Variants in OTOG observed in about 807,000 individuals in gnomAD.
OTOG encodes the protein otogelin.
OTOG carries 296 observed loss-of-function variants against 313.8 expected under a neutral mutation model. The observed-to-expected ratio is 0.94, with a 90% CI of 0.86 to 1.04. The LOEUF is 1.04. Ranked by LOEUF, OTOG falls within the 50% of genes least tolerant of loss-of-function variation. The probability of loss-of-function intolerance (pLI) is 0.00; values close to 1 mark genes in which losing one functional copy is unlikely to be tolerated. For synonymous variants in OTOG, 1,533 were observed against 1,554.9 expected, an observed-to-expected ratio of 0.99 and a Z score of 0.33; for missense variants, 3,948 against 3,840.1, an observed-to-expected ratio of 1.03 and a Z score of -0.74.
Position 17,610,214 on chromosome 11 carries a change from C to G in OTOG, c.4914C>G (p.Ser1638=), listed in dbSNP as rs771967957. The part of the protein sequence containing the change: ...LPVRTTPPQP[S]LTASPSSRPV... ...TTAGGACGACACCCCCACAGCCCTC[C>G]TTGACAGCAAGTCCCTCCTCCAGAC... The change falls in exon 36 of 56, where the codon TCC becomes TCG. Residue 1638 remains serine, a synonymous_variant. Coordinates refer to ENST00000399397, the MANE Select transcript of OTOG (RefSeq NM_001292063.2). The G allele has an allele frequency of 6.4e-7, 1 of 1,550,484 alleles. No homozygotes were observed.
At chr11:17,555,289 CTG>C (rs1271635507) in intron 6 of OTOG, among the ~76,000 whole-genome samples, 4 of 151,778 alleles carry the variant, frequency 2.6e-5, no homozygotes, top group Non-Finnish European at 5.9e-5. Flanking sequence ...AAGTTACAAT[CTG>C]TACCTGCCAG....
In OTOG at chr11:17,606,061, C is replaced by G. The variant is rs550221134; in HGVS notation, c.4082C>G (p.Ser1361Trp). Residue 1361 changes from serine (S) to tryptophan (W), a missense_variant, in exon 33 of 56, where the codon TCG (serine) becomes TGG (tryptophan). Ser to Trp is a radical substitution (Grantham distance 177). Transcript: ENST00000399397. ...LAKPSSFLYV[S>W]GAVLALRLYE... ...AAGCCCAGCTCCTTCCTCTATGTGT[C>G]GGGCGCGGTGCTGGCCCTGCGGCTG... The G allele has an allele frequency of 6.4e-7, 1 of 1,550,428 alleles. No individual in the cohort carries two copies. The highest frequency in any genetic ancestry group is 8.7e-7 in the Non-Finnish European group (1 of 1,146,960).
In OTOG at chr11:17,631,853, C is replaced by T. The variant is rs760282118; in HGVS notation, c.6864C>T (p.Cys2288=). 2.9e-5 allele frequency: 45 copies of T among 1,550,514 alleles called. No individual in the cohort carries two copies. Among genetic ancestry groups the T allele is most frequent in the East Asian group, 9.8e-5 (4 of 40,938 alleles). The change falls in exon 41 of 56, where the codon TGC becomes TGT. Residue 2288 remains cysteine (C), a synonymous_variant. Transcript: ENST00000399397. ...AGACCCGCTTCCGCCCAGACAGCTG[C>T]GCCACAACTGACTGCTCGCCCTGCC... ...VGQTRFRPDS[C]ATTDCSPCLR...
In OTOG at chr11:17,610,976, G is replaced by C. The variant is rs759105158; in HGVS notation, c.5676G>C (p.Glu1892Asp). ...LPTSGVLPVA[E>D]GTASMVSVVP... ...CCTCTGGAGTCCTGCCTGTGGCTGA[G>C]GGCACGGCCTCCATGGTATCTGTTG... Residue 1892 changes from glutamate (E) to aspartate (D), a missense_variant, in exon 36 of 56, where the codon GAG becomes GAC. Glu to Asp is a conservative substitution (Grantham distance 45, BLOSUM62 2). Transcript: ENST00000399397. 1.4e-5 allele frequency: 22 copies of C among 1,550,606 alleles called. No homozygotes were observed. In the South Asian group the frequency reaches 2.5e-4, roughly 18 times the overall value.
At chr11:17,551,632 A>C (rs1851934306) in intron 3 of OTOG, among the ~76,000 whole-genome samples, 1 of 152,016 alleles carries the variant, frequency 6.6e-6, no homozygotes, top group South Asian at 2.1e-4. Flanking sequence ...AATCCAGACA[A>C]GGGATTGTGT....
At position 17,640,776 on chromosome 11, in the gene OTOG, T is replaced by C. The variant is rs1282925638; in HGVS notation, c.7967T>C (p.Met2656Thr). 1 of 1,550,250 alleles carries C rather than the reference T, an allele frequency of 6.5e-7. No individual in the cohort carries two copies. Among genetic ancestry groups the C allele is most frequent in the African/African-American group, 1.4e-5 (1 of 73,190 alleles). ...WEKSQLDEEF[M>T]HSVENVCGCA... is the part of the protein sequence containing the mutation. ...AAATCCCAGCTGGATGAGGAGTTCA[T>C]GCACAGCGTGGAGAATGTGTGTGGC... The change falls in exon 50 of 56, where the codon ATG becomes ACG. Residue 2656 changes from methionine (M) to threonine (T), a missense_variant. Coordinates refer to ENST00000399397, the MANE Select transcript of OTOG (RefSeq NM_001292063.2).
chr11:17,552,036 T>C lies in OTOG; in HGVS notation c.253T>C (p.Trp85Arg), dbSNP rs1236345467. ...CCCAGACTCCGTGGCCATGTCTTCC[T>C]GGGAAAGGCGGCTCCATCGGGCCAA... ...EAPDSVAMSS[W>R]ERRLHRAKCA... is the part of the protein sequence containing the mutation. The change falls in exon 4 of 56, where the codon TGG becomes CGG. Residue 85 changes from tryptophan to arginine, a missense_variant. Physicochemically the swap from Trp to Arg is moderately radical, Grantham distance 101 (BLOSUM62 -3). Transcript: ENST00000399397. 1.3e-6 allele frequency: 2 copies of C among 1,550,532 alleles called. No homozygotes were observed. Among genetic ancestry groups the C allele is most frequent in the South Asian group, 1.2e-5 (1 of 84,068 alleles).
At chr11:17,576,414 G>A (rs1852526949) in intron 20 of OTOG, 142 bp from the exon 21 acceptor site, 1 of 682,180 alleles carries the variant, frequency 1.5e-6, no homozygotes, top group South Asian at 1.7e-5. Context: ...CACTGGAGAT[G>A]TGTCACATGT....
intron 15 of OTOG, among the ~76,000 whole-genome samples, chr11:17,567,411 C>G (rs1260137543): frequency 2.0e-5 from 3 of 152,236 alleles, no homozygotes; most frequent in Non-Finnish European, 4.4e-5. Context: ...GGTTCACTTT[C>G]TCAGGTTGGC....
At chr11:17,549,082 G>T (rs1247517033) in intron 3 of OTOG, among the ~76,000 whole-genome samples, 2 of 152,164 alleles carry the variant, frequency 1.3e-5, no homozygotes, top group East Asian at 3.9e-4. Flanking sequence ...TTGTGGGAGA[G>T]GTGGCAGTTT....
At position 17,605,839 on chromosome 11, in the gene OTOG, C is replaced by G. The variant is rs1853369625; in HGVS notation, c.3878-18C>G. On this transcript the variant is annotated intron_variant, in intron 32 of 55. Transcript: ENST00000399397. Reference sequence around the variant, plus strand: ...GGACCTCTGCCTGTACTGACTCTCCCCATGTGGTTCTCTGCAGACCCAGAT... The same window carrying G: ...GGACCTCTGCCTGTACTGACTCTCCGCATGTGGTTCTCTGCAGACCCAGAT... 22 of 1,523,536 alleles carry G rather than the reference C, an allele frequency of 1.4e-5. No homozygotes were observed. The highest frequency in any genetic ancestry group is 1.9e-5 in the Non-Finnish European group (22 of 1,130,376). The allele number at this position is 1,523,536 out of a possible 1,614,324, so 94.4% of individuals were successfully genotyped here.
intron 4 of OTOG, among the ~76,000 whole-genome samples, chr11:17,552,905 C>T (rs1851974647): frequency 6.6e-6 from 1 of 152,230 alleles, no homozygotes; most frequent in South Asian, 2.1e-4. Flanking sequence ...TGATGCACAT[C>T]AAAGGCAGAT....
Position 17,547,296 on chromosome 11 carries a change from G to A in OTOG, c.-77G>A. 2 of 1,219,168 alleles carry A rather than the reference G, an allele frequency of 1.6e-6. No individual in the cohort carries two copies. The highest frequency in any genetic ancestry group is 2.1e-6 in the Non-Finnish European group (2 of 957,632). The allele number at this position is 1,219,168 out of a possible 1,614,324, so 75.5% of individuals were successfully genotyped here. On this transcript the variant is annotated 5_prime_UTR_variant, in exon 1 of 56. The change creates a new upstream start codon in the 5' untranslated region. Transcript: ENST00000399397. ...GGGACCTCGGCTGCGGAGTGGAGGT[G>A]TGACCCTGCCTTAGCCCGGGGAGGC...
intron 30 of OTOG, among the ~76,000 whole-genome samples, chr11:17,598,209 G>T (rs1209999739): frequency 6.6e-6 from 1 of 152,150 alleles, no homozygotes; most frequent in African/African-American, 2.4e-5. Flanking sequence ...GGGGTACAAA[G>T]TTTCAGGGGG....
intron 4 of OTOG, among the ~76,000 whole-genome samples, chr11:17,552,666 C>T (rs1489683661): frequency 1.6e-5 from 1 of 63,928 alleles, no homozygotes; most frequent in Admixed American, 1.5e-4. Context: ...TTTGTCTTCC[C>T]TTCGTCTATG....
intron 20 of OTOG, among the ~76,000 whole-genome samples, chr11:17,576,140 G>A (rs899802753): frequency 6.6e-6 from 1 of 152,236 alleles, no homozygotes; most frequent in Non-Finnish European, 1.5e-5. Flanking sequence ...CAGGCACTGA[G>A]CAATTGGAAT....
chr11:17,633,689 G>A lies in OTOG; in HGVS notation c.7082G>A (p.Cys2361Tyr). ...WRRSDYCPFL[C>Y]SSDSTYQACV... is the part of the protein sequence containing the mutation. ...CACTGTGCCCCTGCAGCCTTCCTGT[G>A]CTCCAGCGACTCCACATACCAGGCA... The change falls in exon 43 of 56, where the codon TGC becomes TAC. Residue 2361 changes from cysteine to tyrosine, a missense_variant. Cys to Tyr is a radical substitution (Grantham distance 194, BLOSUM62 -2). Transcript: ENST00000399397. The A allele has an allele frequency of 6.5e-7, 1 of 1,537,236 alleles. No homozygotes were observed. The highest frequency in any genetic ancestry group is 8.8e-7 in the Non-Finnish European group (1 of 1,140,016).
In OTOG at chr11:17,611,036, C is replaced by T. The variant is rs1013332459; in HGVS notation, c.5736C>T (p.Ile1912=). The T allele has an allele frequency of 5.8e-6, 9 of 1,550,594 alleles. No homozygotes were observed. The Admixed American group carries it at 1.8e-4, about 30-fold the overall frequency. ...PRKSTTGKVA[I]LSKQVSLPTS... ...AGAGCACCACAGGGAAGGTGGCCAT[C>T]CTATCCAAGCAAGTGTCTCTGCCCA... Residue 1912 remains isoleucine, a synonymous_variant, in exon 36 of 56, where the codon ATC becomes ATT. Coordinates refer to ENST00000399397, the MANE Select transcript of OTOG (RefSeq NM_001292063.2).
intron 38 of OTOG, 112 bp downstream of exon 38, chr11:17,612,877 C>T (rs892862332): frequency 3.1e-5 from 39 of 1,266,532 alleles, no homozygotes; most frequent in Non-Finnish European, 3.9e-5. Context: ...GTGGAAGCCC[C>T]CCTGAGCTCC....
Sources: allele counts gnomAD v4.1 joint callset (sites outside exome capture counted in the v4.1 genomes callset), GRCh38; gene constraint gnomAD v4.1.1; transcripts MANE v1.5; gene names NCBI Gene and HGNC (gene_info 2026-07-23, HGNC 2026-07-21).